OR51B5: variants seen among roughly 807,000 people sequenced by gnomAD.
OR51B5 encodes the protein olfactory receptor 51B5.
For synonymous variants in OR51B5, 186 were observed against 144.8 expected, an observed-to-expected ratio of 1.28 and a Z score of -2.04; for missense variants, 456 against 374.6, an observed-to-expected ratio of 1.22 and a Z score of -1.79.
chr11:5,434,761 G>A (rs1212584384), intron 1 of OR51B5, among the ~76,000 whole-genome samples: 1 of 152,140 alleles, frequency 6.6e-6, no homozygotes, highest in Non-Finnish European at 1.5e-5. Context: ...CTCCTAAGAT[G>A]CCTTATTTCA....
chr11:5,496,251 C>T (rs1267377998), intron 1 of OR51B5, among the ~76,000 whole-genome samples: 2 of 41,044 alleles, frequency 4.9e-5, no homozygotes, highest in Non-Finnish European at 1.1e-4. Flanking sequence ...TCATAGGGCC[C>T]CTTGCATGGC....
chr11:5,465,397 G>A (rs34826942), intron 1 of OR51B5, among the ~76,000 whole-genome samples: 47,434 of 151,288 alleles, frequency 0.31, 7,916 homozygotes, highest in Non-Finnish European at 0.36. Context: ...CTGCATAAAT[G>A]TCTTCTTTTG....
intron 1 of OR51B5, among the ~76,000 whole-genome samples, chr11:5,354,093 A>T (rs187632532): frequency 6.6e-6 from 1 of 152,340 alleles, no homozygotes; most frequent in African/African-American, 2.4e-5. Context: ...AACAAAATAT[A>T]ATTTTTCATT....
intron 1 of OR51B5, among the ~76,000 whole-genome samples, chr11:5,447,321 G>A (rs1428188510): frequency 6.6e-6 from 1 of 152,108 alleles, no homozygotes; most frequent in Non-Finnish European, 1.5e-5. Flanking sequence ...CCACTCCCCT[G>A]CCTCAGACAG....
At chr11:5,352,643 T>C (rs941999897) in intron 1 of OR51B5, among the ~76,000 whole-genome samples, 2 of 152,130 alleles carry the variant, frequency 1.3e-5, no homozygotes, top group East Asian at 3.9e-4. Flanking sequence ...GTATAAGATA[T>C]ATGTACAACA....
intron 1 of OR51B5, among the ~76,000 whole-genome samples, chr11:5,387,583 G>A (rs926844113): frequency 5.9e-5 from 9 of 152,144 alleles, no homozygotes; most frequent in African/African-American, 1.7e-4. Flanking sequence ...CATACATGAC[G>A]TAGCATTTAG....
intron 1 of OR51B5, chr11:5,454,653 A>T (rs986357647): frequency 1.0e-5 from 4 of 386,204 alleles, no homozygotes; most frequent in Non-Finnish European, 1.8e-5. Flanking sequence ...GCAATTGAGT[A>T]ATTAGACAAG....
At chr11:5,342,612 AAAGGTG>A (rs1044870762) in exon 1 of OR51B5, 2 of 1,597,920 alleles carry the variant, frequency 1.3e-6, no homozygotes, top group Non-Finnish European at 8.5e-7. Flanking sequence ...TGGGTAGTAA[AAAGGTG>A]AAGAATGGCA....
chr11:5,399,006 G>T (rs961897589), intron 1 of OR51B5, among the ~76,000 whole-genome samples: 10 of 152,168 alleles, frequency 6.6e-5, no homozygotes, highest in African/African-American at 1.9e-4. Context: ...ACAGTGTGAA[G>T]CCCTTAGCAT....
chr11:5,502,482 T>C (rs1471998507), intron 1 of OR51B5, among the ~76,000 whole-genome samples: 1 of 152,230 alleles, frequency 6.6e-6, no homozygotes, highest in Non-Finnish European at 1.5e-5. Context: ...TATAAATACT[T>C]CCTCCACAGA....
At chr11:5,430,013 AAG>A (rs1229382161) in intron 1 of OR51B5, among the ~76,000 whole-genome samples, 1 of 152,314 alleles carries the variant, frequency 6.6e-6, no homozygotes, top group Middle Eastern at 3.4e-3. Context: ...AAGTTTTAGG[AAG>A]AGTCTCTTTT....
intron 1 of OR51B5, chr11:5,392,013 G>A (rs1004760914): frequency 3.3e-5 from 5 of 152,192 alleles, no homozygotes; most frequent in African/African-American, 1.2e-4. Flanking sequence ...AGGCTGCAGT[G>A]AGCCATAATC....
intron 1 of OR51B5, among the ~76,000 whole-genome samples, chr11:5,435,501 TTTTG>T (rs1267313767): frequency 4.1e-5 from 4 of 97,248 alleles, no homozygotes; most frequent in Non-Finnish European, 7.7e-5. Flanking sequence ...TATTGACTGT[TTTTG>T]TTTGTCTGTT....
chr11:5,352,361 T>A, intron 1 of OR51B5: 1 of 1,613,922 alleles, frequency 6.2e-7, no homozygotes, highest in Non-Finnish European at 8.5e-7. Flanking sequence ...CCACCTTTTA[T>A]GAACCCATTT....
chr11:5,389,575 C>G, intron 1 of OR51B5: 1 of 1,613,838 alleles, frequency 6.2e-7, no homozygotes, highest in Middle Eastern at 1.6e-4. Context: ...TCATTCTGAT[C>G]ATTATTAAGA....
intron 1 of OR51B5, among the ~76,000 whole-genome samples, chr11:5,462,740 C>T (rs996780682): frequency 6.6e-6 from 1 of 152,206 alleles, no homozygotes; most frequent in Non-Finnish European, 1.5e-5. Flanking sequence ...ACTCAGGACC[C>T]TCTGTTGTTT....
At chr11:5,489,968 G>A (rs542235177) in intron 1 of OR51B5, among the ~76,000 whole-genome samples, 47 of 152,302 alleles carry the variant, frequency 3.1e-4, no homozygotes, top group Non-Finnish European at 1.0e-4. Flanking sequence ...CTGGATTTAA[G>A]AGTAGGAATA....
intron 1 of OR51B5, among the ~76,000 whole-genome samples, chr11:5,361,462 T>A (rs1849282586): frequency 6.6e-6 from 1 of 152,158 alleles, no homozygotes. Context: ...TAGGGGTTCA[T>A]AGTCACATCT....
At chr11:5,453,636 C>A (rs145725236) in intron 1 of OR51B5, 16 of 1,613,374 alleles carry the variant, frequency 9.9e-6, no homozygotes, top group African/African-American at 2.7e-5. Flanking sequence ...GCAGGCTGTG[C>A]GAGTGGAGCC....
Sources: allele counts gnomAD v4.1 joint callset (sites outside exome capture counted in the v4.1 genomes callset), GRCh38; gene constraint gnomAD v4.1.1; transcripts MANE v1.5; gene names NCBI Gene and HGNC (gene_info 2026-07-23, HGNC 2026-07-21).